Variants in HABP4 observed in about 807,000 individuals in gnomAD.
HABP4 encodes the protein intracellular hyaluronan-binding protein 4.
In HABP4, 32 loss-of-function variants were observed where a neutral mutation model predicts 44.1. The ratio of observed to expected loss-of-function variants is 0.73; its 90% confidence interval spans 0.55 to 0.97. The LOEUF is 0.97. Among genes scored for constraint, HABP4 ranks in the 50% least tolerant of loss-of-function variants. The pLI, the probability that HABP4 is intolerant of heterozygous loss-of-function variation, is 0.00. For missense variants in HABP4, 503 were observed against 561.9 expected, an observed-to-expected ratio of 0.90 and a Z score of 1.06; for synonymous variants, 216 against 218.0, an observed-to-expected ratio of 0.99 and a Z score of 0.08.
intron 5 of HABP4, among the ~76,000 whole-genome samples, chr9:96,473,746 C>A (rs1844432918): frequency 6.6e-6 from 1 of 152,228 alleles, no homozygotes; most frequent in Non-Finnish European, 1.5e-5. Flanking sequence ...CCCCTGCCCT[C>A]ACACTTGCCA....
intron 5 of HABP4, among the ~76,000 whole-genome samples, chr9:96,479,821 A>G (rs1453408334): frequency 1.3e-5 from 2 of 151,994 alleles, no homozygotes; most frequent in African/African-American, 4.8e-5. Context: ...AAAACATGGT[A>G]TTTTCAAATA....
Position 96,488,100 on chromosome 9 carries a change from T to C in HABP4, c.1011T>C (p.Asp337=). The change falls in exon 7 of 8, where the codon GAT becomes GAC. Residue 337 remains aspartate, a synonymous_variant. Coordinates refer to ENST00000375249, the MANE Select transcript of HABP4 (RefSeq NM_014282.4). This position sits in a 1 kb window ranked among gnomAD's most constrained non-coding sequence, Gnocchi z 4.6. ...KSKYRDDMVK[D]DYEDDSHVFR... is the part of the protein sequence containing the mutation. ...TAATTGTGTTTCAGATGGTAAAAGA[T>C]GACTATGAGGACGATTCCCATGTTT... is the stretch of plus-strand genomic sequence containing the variant. 1 of 1,611,678 alleles carries C rather than the reference T, an allele frequency of 6.2e-7. No individual in the cohort carries two copies. Among genetic ancestry groups the C allele is most frequent in the Non-Finnish European group, 8.5e-7 (1 of 1,177,802 alleles).
At chr9:96,474,522 A>G (rs1253223303) in intron 5 of HABP4, among the ~76,000 whole-genome samples, 2 of 152,202 alleles carry the variant, frequency 1.3e-5, no homozygotes, top group Admixed American at 1.3e-4. Flanking sequence ...GTATCCCAGG[A>G]GAGCTAGCTG....
chr9:96,474,236 A>G (rs917527101), intron 5 of HABP4, among the ~76,000 whole-genome samples: 8 of 152,264 alleles, frequency 5.3e-5, no homozygotes, highest in Non-Finnish European at 1.0e-4. Context: ...AACAGTTAAT[A>G]TGAATATTTA....
intron 5 of HABP4, among the ~76,000 whole-genome samples, chr9:96,472,430 T>A (rs1832713981): frequency 6.6e-6 from 1 of 152,136 alleles, no homozygotes; most frequent in Non-Finnish European, 1.5e-5. Context: ...ATGCAACATT[T>A]CCTTCTATAT....
intron 2 of HABP4, among the ~76,000 whole-genome samples, chr9:96,460,102 T>C (rs1832474397): frequency 6.6e-6 from 1 of 152,150 alleles, no homozygotes; most frequent in Non-Finnish European, 1.5e-5. Flanking sequence ...CCCCCTTTTT[T>C]AGTAGCAAGA....
At chr9:96,475,025 A>G (rs1440474214) in intron 5 of HABP4, among the ~76,000 whole-genome samples, 1 of 152,056 alleles carries the variant, frequency 6.6e-6, no homozygotes, top group Admixed American at 6.6e-5. Flanking sequence ...TCCTTGTTGC[A>G]TAGTGTTCTA....
In HABP4 at chr9:96,465,393, G is replaced by A. The variant is rs138133754; in HGVS notation, c.569G>A (p.Gly190Glu). The change falls in exon 3 of 8, where the codon GGG becomes GAG. Residue 190 changes from glycine (G) to glutamate (E), a missense_variant. Transcript: ENST00000375249. Reference sequence around the variant, plus strand: ...TTGAGAGGACGTGGAGGCCCGAGAGGGGGTATGCGCGGCAGAGGCAGAGGT... The same window carrying A: ...TTGAGAGGACGTGGAGGCCCGAGAGAGGGTATGCGCGGCAGAGGCAGAGGT... ...RPLRGRGGPR[G>E]GMRGRGRGGP... 3 of 1,609,696 alleles carry A rather than the reference G, an allele frequency of 1.9e-6. No homozygotes were observed. Among genetic ancestry groups the A allele is most frequent in the East Asian group, 2.2e-5 (1 of 44,856 alleles).
intron 1 of HABP4, among the ~76,000 whole-genome samples, chr9:96,454,533 C>T (rs921767844): frequency 6.6e-6 from 1 of 151,086 alleles, no homozygotes; most frequent in African/African-American, 2.4e-5. Flanking sequence ...TCACTGCAAG[C>T]TCCACCTCCC....
At chr9:96,455,338 G>T (rs927199076) in intron 1 of HABP4, among the ~76,000 whole-genome samples, 45 of 150,950 alleles carry the variant, frequency 3.0e-4, no homozygotes, top group African/African-American at 9.0e-4. Flanking sequence ...TGTAATCCCA[G>T]CTACCTGGGA....
rs34274515 is a variant in HABP4, at chr9:96,465,403, C to T, written c.579C>T (p.Arg193=). Residue 193 remains arginine, a synonymous_variant, in exon 3 of 8, where the codon CGC becomes CGT. Coordinates refer to ENST00000375249, the MANE Select transcript of HABP4 (RefSeq NM_014282.4). ...GTGGAGGCCCGAGAGGGGGTATGCGCGGCAGAGGCAGAGGTGGCCCTGGGA... is the reference window on the plus strand; with the variant it reads ...GTGGAGGCCCGAGAGGGGGTATGCGTGGCAGAGGCAGAGGTGGCCCTGGGA... ...RGRGGPRGGM[R]GRGRGGPGNR... 9.6e-4 allele frequency: 1,544 copies of T among 1,608,794 alleles called. 1 individual carries two copies. Among genetic ancestry groups the T allele is most frequent in the Non-Finnish European group, 1.2e-3 (1,406 of 1,175,228 alleles).
At chr9:96,489,077 T>C (rs1040157190) in intron 7 of HABP4, among the ~76,000 whole-genome samples, 1 of 152,176 alleles carries the variant, frequency 6.6e-6, no homozygotes, top group African/African-American at 2.4e-5. Flanking sequence ...GTGGCTGGTC[T>C]TGGCAATGCT....
Position 96,488,182 on chromosome 9 carries a change from C to A in HABP4, c.1093C>A (p.Pro365Thr). The A allele has an allele frequency of 6.2e-7, 1 of 1,613,604 alleles. No individual in the cohort carries two copies. The highest frequency in any genetic ancestry group is 2.2e-5 in the East Asian group (1 of 44,888). Residue 365 changes from proline (P) to threonine (T), a missense_variant, in exon 7 of 8, where the codon CCT becomes ACT. By Grantham distance (38) the Pro-to-Thr change is conservative. Coordinates refer to ENST00000375249, the MANE Select transcript of HABP4 (RefSeq NM_014282.4). This position sits in a 1 kb window ranked among gnomAD's most constrained non-coding sequence, Gnocchi z 4.6. ...SQLEINFGNL[P>T]RPGRGARGGT... ...GCTGGAGATTAATTTTGGTAACCTC[C>A]CTCGTCCTGGGCGTGGAGCCAGAGG... is the stretch of plus-strand genomic sequence containing the variant.
At chr9:96,452,518 CT>C (rs963040914) in intron 1 of HABP4, among the ~76,000 whole-genome samples, 2 of 151,524 alleles carry the variant, frequency 1.3e-5, no homozygotes, top group African/African-American at 4.9e-5. Context: ...ACACTCGTAA[CT>C]TTTTTTTTCT....
At chr9:96,458,709 C>T (rs1215075439) in intron 2 of HABP4, among the ~76,000 whole-genome samples, 168 bp downstream of exon 2, 7 of 151,676 alleles carry the variant, frequency 4.6e-5, no homozygotes, top group South Asian at 4.2e-4. Flanking sequence ...CTGCAACCTC[C>T]GCTCCCGGGT....
chr9:96,477,159 T>C (rs1832796590), intron 5 of HABP4, among the ~76,000 whole-genome samples: 1 of 152,380 alleles, frequency 6.6e-6, no homozygotes, highest in Middle Eastern at 3.4e-3. Context: ...CTTTCTAGAA[T>C]TGAATTTTCT....
At chr9:96,451,828 T>C (rs539553624) in intron 1 of HABP4, among the ~76,000 whole-genome samples, 1 of 152,324 alleles carries the variant, frequency 6.6e-6, no homozygotes, top group Admixed American at 6.5e-5. Context: ...TGGAGATACA[T>C]TGTGCATTTT....
At chr9:96,464,681 G>C (rs1455070541) in intron 2 of HABP4, among the ~76,000 whole-genome samples, 2 of 152,190 alleles carry the variant, frequency 1.3e-5, no homozygotes, top group Non-Finnish European at 2.9e-5. Context: ...AGTGTCATAT[G>C]ACACTGGGGT....
intron 5 of HABP4, among the ~76,000 whole-genome samples, chr9:96,481,881 A>C (rs974725174): frequency 6.6e-6 from 1 of 152,132 alleles, no homozygotes; most frequent in Admixed American, 6.6e-5. Flanking sequence ...TATATAATTT[A>C]ATGGCATCAG....
Sources: gnomAD v4.1 joint callset for allele counts (sites outside exome capture counted in the v4.1 genomes callset) on GRCh38, gnomAD v4.1.1 for gene constraint, Gnocchi (gnomAD v3.1) non-coding constraint, MANE v1.5 for transcripts, NCBI Gene and HGNC (gene_info 2026-07-23, HGNC 2026-07-21) for gene names.